Variants in CLIC5 observed in about 807,000 individuals in gnomAD.
CLIC5 encodes chloride intracellular channel protein 5.
Under a neutral mutation model 24.7 loss-of-function variants are expected in CLIC5, and 20 were observed. The observed-to-expected ratio is 0.81, with a 90% CI of 0.57 to 1.18. CLIC5 has a LOEUF of 1.18. Among genes scored for constraint, CLIC5 ranks in the 50% most tolerant of loss-of-function variants. The pLI is 0.00. For missense variants in CLIC5, 341 were observed against 326.1 expected, an observed-to-expected ratio of 1.05 and a Z score of -0.35; for synonymous variants, 159 against 135.6, an observed-to-expected ratio of 1.17 and a Z score of -1.20.
At chr6:46,100,612 A>G in the CLIC5 span, among the ~76,000 whole-genome samples, 4 of 152,378 alleles carry the variant, frequency 2.6e-5, no homozygotes, top group East Asian at 3.8e-4. Context: ...GGTGCCATTC[A>G]TGAACATCAT....
the CLIC5 span, among the ~76,000 whole-genome samples, chr6:46,105,775 T>C: frequency 6.6e-6 from 1 of 152,230 alleles, no homozygotes; most frequent in Non-Finnish European, 1.5e-5. Context: ...TACTTTGTAC[T>C]CTAAGAGAGA....
At chr6:46,065,565 C>T (rs1762419107) in intron 1 of CLIC5, among the ~76,000 whole-genome samples, 1 of 152,132 alleles carries the variant, frequency 6.6e-6, no homozygotes, top group South Asian at 2.1e-4. Context: ...ACAATACATT[C>T]ACACAATGGA....
rs867928081 is a variant in CLIC5 at position 45,958,443 on chromosome 6, T to C, written c.64-3199A>G. Among the ~76,000 whole-genome samples the C allele has an allele frequency of 7.4e-3, 411 of 55,612 alleles. 27 individuals are homozygous for C. Among genetic ancestry groups the C allele is most frequent in the East Asian group, 0.037 (94 of 2,528 alleles). 36.5% of individuals were successfully genotyped at this position (55,612 alleles called of 152,430 possible). Reference sequence around the variant, plus strand: ...ACAATTATATATATATATATATATATATATATATATATATATATATATATA... The same window carrying C: ...ACAATTATATATATATATATATATACATATATATATATATATATATATATA... On this transcript the variant is annotated intron_variant, in intron 1 of 5. Transcript: ENST00000339561.
intron 4 of CLIC5, among the ~76,000 whole-genome samples, chr6:45,922,823 A>AAGAGAGAGAGAGAGAG (rs547902327): frequency 0.021 from 2,911 of 140,420 alleles, 122 homozygotes; most frequent in Non-Finnish European, 0.024. Flanking sequence ...GAGAGAGAGA[A>AAGAGAGAGAGAGAGAG]AGAGAGAGAG....
At chr6:46,117,813 T>TGG in the CLIC5 span, among the ~76,000 whole-genome samples, 1 of 151,978 alleles carries the variant, frequency 6.6e-6, no homozygotes. Context: ...TAAAATAGAT[T>TGG]TTTTTTCACA....
chr6:45,906,560 T>C (rs997294487), intron 5 of CLIC5, among the ~76,000 whole-genome samples: 5 of 144,950 alleles, frequency 3.4e-5, no homozygotes, highest in East Asian at 1.9e-4. Context: ...TTTTTGTACA[T>C]TGACTTTTTT....
intron 1 of CLIC5, among the ~76,000 whole-genome samples, chr6:45,969,411 AC>A: frequency 6.6e-6 from 1 of 152,138 alleles, no homozygotes; most frequent in South Asian, 2.1e-4. Flanking sequence ...TTGAAGAAGC[AC>A]CCTTTTTGGA....
Position 45,925,189 on chromosome 6 carries a change from T to A in CLIC5, c.407-10780A>T, listed in dbSNP as rs1763430825. ...GGGCATGGTTCATAGTAAAATGCTA[T>A]ATAGGTTTTGCTAATAAAATACATG... On this transcript the variant is annotated intron_variant, in intron 4 of 5. Transcript: ENST00000339561. 2.0e-5 allele frequency among the ~76,000 whole-genome samples: 3 copies of A among 152,324 alleles called. No homozygotes were observed. In the South Asian group the frequency reaches 6.2e-4, roughly 32 times the overall value.
At chr6:46,119,868 C>T in the CLIC5 span, among the ~76,000 whole-genome samples, 1 of 152,188 alleles carries the variant, frequency 6.6e-6, no homozygotes, top group Non-Finnish European at 1.5e-5. Flanking sequence ...AACTGCAAGG[C>T]AGCAGCGAGG....
chr6:46,038,081 C>T (rs777284940), intron 1 of CLIC5, among the ~76,000 whole-genome samples: 2 of 152,008 alleles, frequency 1.3e-5, no homozygotes, highest in African/African-American at 2.4e-5. Context: ...GCTCATTGGC[C>T]CAGTCCCTCT....
At chr6:46,044,870 C>A (rs951251180) in intron 1 of CLIC5, among the ~76,000 whole-genome samples, 1 of 152,150 alleles carries the variant, frequency 6.6e-6, no homozygotes, top group African/African-American at 2.4e-5. Context: ...TGATCCATCA[C>A]CTGACAATGA....
intron 6 of CLIC5, among the ~76,000 whole-genome samples, chr6:45,884,521 A>T (rs9472599): frequency 6.6e-6 from 1 of 151,964 alleles, no homozygotes; most frequent in African/African-American, 2.4e-5. Flanking sequence ...CCGCAGCCTC[A>T]CCTCTCTCAT....
the CLIC5 span, among the ~76,000 whole-genome samples, chr6:46,104,854 C>T: frequency 6.6e-6 from 1 of 152,180 alleles, no homozygotes; most frequent in Non-Finnish European, 1.5e-5. Flanking sequence ...TACATTAAAA[C>T]TGCCTGCTTT....
chr6:46,121,494 C>T, the CLIC5 span, among the ~76,000 whole-genome samples: 1 of 152,168 alleles, frequency 6.6e-6, no homozygotes, highest in African/African-American at 2.4e-5. Context: ...ATTTTAAAGC[C>T]CATTGATGCT....
the CLIC5 span, among the ~76,000 whole-genome samples, chr6:46,107,909 C>T: frequency 2.1e-3 from 318 of 151,964 alleles, no homozygotes; most frequent in African/African-American, 7.5e-3. Flanking sequence ...GTGGCGCATG[C>T]CTGTAATCCT....
At chr6:46,028,040 C>T (rs1767389814) in intron 1 of CLIC5, among the ~76,000 whole-genome samples, 1 of 152,188 alleles carries the variant, frequency 6.6e-6, no homozygotes, top group South Asian at 2.1e-4. Context: ...GTTTATCCCC[C>T]ATTAACACAG....
chr6:45,995,121 T>C (rs1402078507), intron 1 of CLIC5, among the ~76,000 whole-genome samples: 1 of 152,134 alleles, frequency 6.6e-6, no homozygotes, highest in African/African-American at 2.4e-5. Context: ...GGCAGGCCCC[T>C]TTGGCCACTC....
chr6:45,907,305 T>C (rs1762687245), intron 5 of CLIC5, among the ~76,000 whole-genome samples: 1 of 152,230 alleles, frequency 6.6e-6, no homozygotes, highest in Non-Finnish European at 1.5e-5. Flanking sequence ...TGTTTTTAAT[T>C]CTGTTTATGT....
chr6:45,930,501 G>T (rs916965244), intron 4 of CLIC5, among the ~76,000 whole-genome samples: 1 of 152,146 alleles, frequency 6.6e-6, no homozygotes, highest in East Asian at 1.9e-4. Context: ...TGTTTGAACC[G>T]TCTAAGCTTT....
Sources: allele counts gnomAD v4.1 joint callset (sites outside exome capture counted in the v4.1 genomes callset), GRCh38; gene constraint gnomAD v4.1.1; transcripts MANE v1.5; gene names NCBI Gene and HGNC (gene_info 2026-07-23, HGNC 2026-07-21).